Variants in PGGT1B observed in about 807,000 individuals in gnomAD.
PGGT1B encodes the protein protein geranylgeranyltransferase type I subunit beta, also known as geranylgeranyl transferase type-1 subunit beta.
Under a neutral mutation model 46.1 loss-of-function variants are expected in PGGT1B, and 30 were observed. The ratio of observed to expected loss-of-function variants is 0.65; its 90% CI spans 0.49 to 0.88. The LOEUF (loss-of-function observed/expected upper bound fraction) is 0.88. PGGT1B is among the 40% of genes least tolerant of loss of function. The probability of loss-of-function intolerance (pLI) is 0.00; values close to 1 mark genes in which losing one functional copy is unlikely to be tolerated. For missense variants in PGGT1B, 376 were observed against 455.9 expected (o/e 0.82, Z 1.60); for synonymous variants, 170 against 160.0 (o/e 1.06, Z -0.47).
rs1316880528 is a variant in PGGT1B at position 115,259,004 on chromosome 5, C to A, written c.140+3708G>T. ...CTCTGCTGCTCCTACACGTAAAACA[C>A]CATACAGACACTCTATTAAGAGTTA... On this transcript the variant is annotated intron_variant, in intron 1 of 8. Transcript: ENST00000419445. 2.6e-5 allele frequency among the ~76,000 whole-genome samples: 4 copies of A among 152,210 alleles called. No homozygotes were observed. The East Asian group carries it at 7.7e-4, about 29-fold the overall frequency.
At chr5:115,261,685 A>G (rs1748561318) in intron 1 of PGGT1B, among the ~76,000 whole-genome samples, 1 of 152,256 alleles carries the variant, frequency 6.6e-6, no homozygotes, top group South Asian at 2.1e-4. Flanking sequence ...AAGACATTAA[A>G]CAAATAAACC....
At chr5:115,214,654 C>A (rs913141742) in intron 8 of PGGT1B, among the ~76,000 whole-genome samples, 9 of 152,132 alleles carry the variant, frequency 5.9e-5, no homozygotes, top group Non-Finnish European at 1.3e-4. Flanking sequence ...AGTAGTACAT[C>A]CAAATATTTA....
At chr5:115,249,544 T>A (rs1474207660) in intron 2 of PGGT1B, among the ~76,000 whole-genome samples, 5 of 151,326 alleles carry the variant, frequency 3.3e-5, no homozygotes, top group Non-Finnish European at 7.4e-5. Context: ...TTGGTGGGAG[T>A]CAGGGTAGAT....
intron 2 of PGGT1B, among the ~76,000 whole-genome samples, chr5:115,245,107 A>G (rs759682765): frequency 6.6e-6 from 1 of 152,194 alleles, no homozygotes; most frequent in African/African-American, 2.4e-5. Flanking sequence ...GATGGAAGAC[A>G]GCTCTGATAC....
intron 3 of PGGT1B, among the ~76,000 whole-genome samples, chr5:115,239,913 T>A (rs146247387): frequency 1.2e-3 from 185 of 152,320 alleles, no homozygotes; most frequent in African/African-American, 4.4e-3. Context: ...CAAGCATTTA[T>A]CAGGTAAGTC....
chr5:115,220,696 G>A (rs181082314), intron 7 of PGGT1B, among the ~76,000 whole-genome samples: 4 of 152,004 alleles, frequency 2.6e-5, no homozygotes, highest in Admixed American at 6.6e-5. Context: ...GGAAATATAC[G>A]TGATACAACA....
chr5:115,259,752 G>A lies in PGGT1B; in HGVS notation c.140+2960C>T, dbSNP rs74453247. On this transcript the variant is annotated intron_variant, in intron 1 of 8. Coordinates refer to ENST00000419445, the MANE Select transcript of PGGT1B (RefSeq NM_005023.4). ...AAAGAACAAAGTAGTTGCAGAATGG[G>A]AGGCAGGAGAGAGGTTACAACACAG... Among the ~76,000 whole-genome samples the A allele has an allele frequency of 6.4e-3, 963 of 151,640 alleles. 20 individuals are homozygous for A. The highest frequency in any genetic ancestry group is 0.034 in the Admixed American group (511 of 15,216).
chr5:115,257,329 A>G (rs747546288), intron 1 of PGGT1B, among the ~76,000 whole-genome samples: 8 of 152,068 alleles, frequency 5.3e-5, no homozygotes, highest in Admixed American at 2.6e-4. Flanking sequence ...CCTGGCCAAC[A>G]TGATGAAACT....
At chr5:115,230,267 G>A (rs753822962) in intron 6 of PGGT1B, among the ~76,000 whole-genome samples, 7 of 152,036 alleles carry the variant, frequency 4.6e-5, no homozygotes, top group African/African-American at 1.2e-4. Context: ...CAAAGGGATG[G>A]AGATAACAAA....
At chr5:115,252,993 A>G (rs1299265833) in intron 2 of PGGT1B, 144 bp downstream of exon 2, 2 of 675,886 alleles carry the variant, frequency 3.0e-6, no homozygotes, top group East Asian at 6.0e-5. Context: ...GTATTTCAAC[A>G]GAATGGCAAT....
intron 1 of PGGT1B, among the ~76,000 whole-genome samples, chr5:115,257,708 C>T (rs1009838630): frequency 5.3e-5 from 8 of 152,204 alleles, no homozygotes; most frequent in African/African-American, 1.9e-4. Flanking sequence ...CATCCTTTAC[C>T]AAGTGTCTTA....
chr5:115,241,779 T>C (rs79088612), intron 2 of PGGT1B, among the ~76,000 whole-genome samples, 173 bp from the exon 3 acceptor site: 1,668 of 152,326 alleles, frequency 0.011, 29 homozygotes, highest in African/African-American at 0.038. Context: ...TATGGGAATT[T>C]CCTCATTTAA....
chr5:115,218,963 TA>T (rs1345105967), intron 7 of PGGT1B, among the ~76,000 whole-genome samples: 1 of 151,814 alleles, frequency 6.6e-6, no homozygotes, highest in Non-Finnish European at 1.5e-5. Context: ...ACCACCTATA[TA>T]AATGGAAAAG....
chr5:115,262,873 G>C lies in PGGT1B; in HGVS notation c.-22C>G. 1 of 1,610,980 alleles carries C rather than the reference G, an allele frequency of 6.2e-7. No individual in the cohort carries two copies. The highest frequency in any genetic ancestry group is 8.5e-7 in the Non-Finnish European group (1 of 1,179,260). ...CCATGCTGCTCCGGAAGCGACGTCC[G>C]CCGCGACCCGGAATCAGTGCCCGCG... is the stretch of plus-strand genomic sequence containing the variant. On this transcript the variant is annotated 5_prime_UTR_variant, in exon 1 of 9. Coordinates refer to ENST00000419445, the MANE Select transcript of PGGT1B (RefSeq NM_005023.4).
At position 115,226,979 on chromosome 5, in the gene PGGT1B, G is replaced by A. The variant is rs183293457; in HGVS notation, c.658+3997C>T. Among the ~76,000 whole-genome samples, 576 of 152,084 alleles carry A rather than the reference G, an allele frequency of 3.8e-3. 1 individual carries two copies. The highest frequency in any genetic ancestry group is 0.014 in the Middle Eastern group (4 of 294). On this transcript the variant is annotated intron_variant, in intron 6 of 8. Transcript: ENST00000419445. ...TGGAAAGGAAGCATTTCAAGCAAAG[G>A]AAAAGGAATATTAGCAACGTCCAGA...
intron 8 of PGGT1B, among the ~76,000 whole-genome samples, chr5:115,214,071 A>C (rs1409231011): frequency 6.6e-6 from 1 of 152,210 alleles, no homozygotes; most frequent in African/African-American, 2.4e-5. Flanking sequence ...AGTTATTCTA[A>C]AACTACAAAG....
At chr5:115,253,517 G>A (rs1748191505) in intron 1 of PGGT1B, among the ~76,000 whole-genome samples, 1 of 151,922 alleles carries the variant, frequency 6.6e-6, no homozygotes, top group Admixed American at 6.6e-5. Context: ...AAGACCCACT[G>A]AAGCCAGAAT....
chr5:115,204,089 G>A lies in PGGT1B; in HGVS notation c.*8313C>T, dbSNP rs1307270224. 6.6e-6 allele frequency: 1 copy of A among 152,118 alleles called. No homozygotes were observed. Among genetic ancestry groups the A allele is most frequent in the African/African-American group, 2.4e-5 (1 of 41,416 alleles). 9.4% of individuals were successfully genotyped at this position (152,118 alleles called of 1,614,324 possible). A position where few individuals can be genotyped will look rare whatever the true frequency, so the allele number is the denominator to read the frequency against. ...CTAAAATCATATTAGTTTTTCGGGG[G>A]TAGGAGTAAAGATCACATTGTTGAA... On this transcript the variant is annotated 3_prime_UTR_variant, in exon 9 of 9. Coordinates refer to ENST00000419445, the MANE Select transcript of PGGT1B (RefSeq NM_005023.4).
chr5:115,251,758 A>G (rs910790314), intron 2 of PGGT1B, among the ~76,000 whole-genome samples: 1 of 152,054 alleles, frequency 6.6e-6, no homozygotes, highest in South Asian at 2.1e-4. Flanking sequence ...CGTATGTGCC[A>G]CAGTGTGTAT....
Sources: gnomAD v4.1 joint callset for allele counts (sites outside exome capture counted in the v4.1 genomes callset) on GRCh38, gnomAD v4.1.1 for gene constraint, MANE v1.5 for transcripts, NCBI Gene and HGNC (gene_info 2026-07-23, HGNC 2026-07-21) for gene names.